KCNQ3: variants seen among roughly 807,000 people sequenced by gnomAD.
KCNQ3 encodes potassium voltage-gated channel subfamily KQT member 3.
KCNQ3 carries 30 observed loss-of-function variants against 92.5 expected under a neutral mutation model. The observed-to-expected ratio is 0.32, with a 90% CI of 0.24 to 0.44. The LOEUF (loss-of-function observed/expected upper bound fraction) is 0.44, where lower values mean the gene tolerates loss of function less well. KCNQ3 is among the 20% of genes least tolerant of loss of function. The pLI, the probability that KCNQ3 is intolerant of heterozygous loss-of-function variation, is 1.00. For missense variants in KCNQ3, 913 were observed against 1,140.3 expected (o/e 0.80, Z 2.87); for synonymous variants, 450 against 468.8 (o/e 0.96, Z 0.52).
In KCNQ3 at chr8:132,444,838, T is replaced by C. The variant is rs540623501; in HGVS notation, c.386+35309A>G. Reference sequence around the variant, plus strand: ...CATCTCCAAGCCTGTTCCTTTTATATAAAATAAAGAGAATAATAATTCCTG... The same window carrying C: ...CATCTCCAAGCCTGTTCCTTTTATACAAAATAAAGAGAATAATAATTCCTG... On this transcript the variant is annotated intron_variant, in intron 1 of 14. Transcript: ENST00000388996. 6.6e-5 allele frequency among the ~76,000 whole-genome samples: 10 copies of C among 152,314 alleles called. No homozygotes were observed. In the East Asian group the frequency reaches 1.9e-3, roughly 29 times the overall value.
chr8:132,353,771 G>A lies in KCNQ3; in HGVS notation c.386+126376C>T, dbSNP rs551592654. Among the ~76,000 whole-genome samples the A allele has an allele frequency of 1.1e-4, 17 of 152,240 alleles. No individual in the cohort carries two copies. The South Asian group carries it at 3.3e-3, about 30-fold the overall frequency. ...GGATGTTGCAGTGAGCCGAGATCAT[G>A]CCACTGCACTCCAGCCTAGGTGACA... On this transcript the variant is annotated intron_variant, in intron 1 of 14. Coordinates refer to ENST00000388996, the MANE Select transcript of KCNQ3 (RefSeq NM_004519.4).
At chr8:132,362,655 T>G (rs1407652052) in intron 1 of KCNQ3, among the ~76,000 whole-genome samples, 5 of 151,948 alleles carry the variant, frequency 3.3e-5, no homozygotes, top group Non-Finnish European at 7.4e-5. Context: ...CACCAGAAAG[T>G]GGAACATTTG....
chr8:132,149,399 G>T (rs1825564259), intron 9 of KCNQ3, among the ~76,000 whole-genome samples: 1 of 152,104 alleles, frequency 6.6e-6, no homozygotes, highest in African/African-American at 2.4e-5. Flanking sequence ...TTTTCCTTTT[G>T]CCCACTAAGT....
chr8:132,163,390 G>A, intron 9 of KCNQ3, 78 bp downstream of exon 9: 1 of 1,206,346 alleles, frequency 8.3e-7, no homozygotes, highest in Non-Finnish European at 1.2e-6. Context: ...CCTCCCATGG[G>A]GCCCTACACC....
Position 132,172,585 on chromosome 8 carries a change from C to T in KCNQ3, c.1140+13G>A. The stretch of plus-strand genomic sequence containing the variant: ...TCTTAATCCCATTCCAGTTCATTCC[C>T]AGGCAGACAGACCTGAATGAGCTCA... On this transcript the variant is annotated intron_variant, in intron 7 of 14. Transcript: ENST00000388996. 6.2e-7 allele frequency: 1 copy of T among 1,610,538 alleles called. No homozygotes were observed. Among genetic ancestry groups the T allele is most frequent in the Non-Finnish European group, 8.5e-7 (1 of 1,176,842 alleles).
chr8:132,219,669 A>AT (rs1402342431), intron 1 of KCNQ3, among the ~76,000 whole-genome samples: 8 of 152,068 alleles, frequency 5.3e-5, no homozygotes, highest in Non-Finnish European at 1.2e-4. Flanking sequence ...GAACTATTTA[A>AT]ATATAAATGT....
chr8:132,234,777 C>G (rs1814757923), intron 1 of KCNQ3, among the ~76,000 whole-genome samples: 1 of 152,148 alleles, frequency 6.6e-6, no homozygotes, highest in South Asian at 2.1e-4. Flanking sequence ...AGCTTGTGCT[C>G]TTGTCACCAC....
intron 1 of KCNQ3, among the ~76,000 whole-genome samples, chr8:132,418,192 C>T (rs763614017): frequency 6.6e-6 from 1 of 152,158 alleles, no homozygotes; most frequent in Non-Finnish European, 1.5e-5. Flanking sequence ...AAGGAGGAAA[C>T]AATTACTTTG....
chr8:132,461,297 C>T (rs1414116575), intron 1 of KCNQ3, among the ~76,000 whole-genome samples: 5 of 152,174 alleles, frequency 3.3e-5, no homozygotes, highest in Admixed American at 1.3e-4. Flanking sequence ...TAACCAGTGG[C>T]TCACACCTGT....
Position 132,125,323 on chromosome 8 carries a change from C to T in KCNQ3, c.*3939G>A, listed in dbSNP as rs1366671898. The T allele has an allele frequency of 6.6e-6, 1 of 152,136 alleles. No individual in the cohort carries two copies. The highest frequency in any genetic ancestry group is 1.5e-5 in the Non-Finnish European group (1 of 68,024). 9.4% of individuals were successfully genotyped at this position (152,136 alleles called of 1,614,324 possible). On this transcript the variant is annotated 3_prime_UTR_variant, in exon 15 of 15. Transcript: ENST00000388996. ...TTTCATGTTCAATTTTCTATAGTTT[C>T]CAAGCTAGGAAGCATTTCTGTCTGT...
intron 1 of KCNQ3, among the ~76,000 whole-genome samples, chr8:132,241,318 G>C (rs1337170132): frequency 6.6e-6 from 1 of 152,118 alleles, no homozygotes; most frequent in Non-Finnish European, 1.5e-5. Context: ...TCATGTTTTT[G>C]AGTACAATGT....
chr8:132,416,958 A>T (rs1423920124), intron 1 of KCNQ3, among the ~76,000 whole-genome samples: 1 of 152,206 alleles, frequency 6.6e-6, no homozygotes, highest in Non-Finnish European at 1.5e-5. Flanking sequence ...GCAAGGGGAC[A>T]CGTCTGAGGG....
chr8:132,291,122 G>C (rs1816823355), intron 1 of KCNQ3, among the ~76,000 whole-genome samples: 3 of 152,204 alleles, frequency 2.0e-5, no homozygotes, highest in Non-Finnish European at 2.9e-5. Context: ...GCCAGACTAG[G>C]GTGGGAGGAA....
chr8:132,237,271 T>C (rs1445012128), intron 1 of KCNQ3, among the ~76,000 whole-genome samples: 2 of 152,104 alleles, frequency 1.3e-5, no homozygotes, highest in African/African-American at 4.8e-5. Context: ...ATGGTAGCTA[T>C]GATGATGATG....
At chr8:132,211,713 GA>G (rs1230325465) in intron 1 of KCNQ3, among the ~76,000 whole-genome samples, 2 of 152,062 alleles carry the variant, frequency 1.3e-5, no homozygotes, top group African/African-American at 4.8e-5. Context: ...AGCACTTTGG[GA>G]GGCCAAGGCG....
intron 1 of KCNQ3, chr8:132,186,557 T>C (rs1402961310): frequency 2.7e-6 from 1 of 366,864 alleles, no homozygotes; most frequent in South Asian, 2.1e-5. Flanking sequence ...TAATGTGTTC[T>C]ACACACATAG....
At chr8:132,252,123 G>C (rs1815432029) in intron 1 of KCNQ3, among the ~76,000 whole-genome samples, 1 of 152,104 alleles carries the variant, frequency 6.6e-6, no homozygotes, top group African/African-American at 2.4e-5. Flanking sequence ...AAGCCTCTGG[G>C]GATGCCCTTC....
chr8:132,176,503 A>T (rs1273672937), intron 4 of KCNQ3, among the ~76,000 whole-genome samples: 1 of 152,216 alleles, frequency 6.6e-6, no homozygotes, highest in Non-Finnish European at 1.5e-5. Flanking sequence ...ACTGTCTGTC[A>T]TTCTTGCTGA....
chr8:132,343,698 A>G (rs927443592), intron 1 of KCNQ3, among the ~76,000 whole-genome samples: 1 of 151,794 alleles, frequency 6.6e-6, no homozygotes, highest in Admixed American at 6.6e-5. Context: ...TACTCCTACC[A>G]CCCAAGAGAT....
Sources: allele counts gnomAD v4.1 joint callset (sites outside exome capture counted in the v4.1 genomes callset), GRCh38; gene constraint gnomAD v4.1.1; transcripts MANE v1.5; gene names NCBI Gene and HGNC (gene_info 2026-07-23, HGNC 2026-07-21).